LRRC31: variants seen among roughly 807,000 people sequenced by gnomAD.
LRRC31 encodes leucine-rich repeat-containing protein 31.
LRRC31 carries 35 observed loss-of-function variants against 46.7 expected under a neutral mutation model. The observed-to-expected ratio is 0.75, with a 90% confidence interval of 0.57 to 0.99. LRRC31 has a LOEUF of 0.99. Ranked by LOEUF, LRRC31 falls within the 50% of genes least tolerant of loss-of-function variation. LRRC31 has a pLI of 0.00. For synonymous variants in LRRC31, 236 were observed against 235.1 expected (o/e 1.00, Z -0.03); for missense variants, 613 against 626.1 (o/e 0.98, Z 0.22).
At chr3:169,848,665 C>G (rs6772936) in intron 7 of LRRC31, among the ~76,000 whole-genome samples, 41,727 of 152,052 alleles carry the variant, frequency 0.27, 6,216 homozygotes, top group East Asian at 0.62. Context: ...CACCATGTTG[C>G]CCAGGATGGT....
chr3:169,845,199 T>C (rs1780568425), intron 8 of LRRC31, among the ~76,000 whole-genome samples: 1 of 152,022 alleles, frequency 6.6e-6, no homozygotes, highest in Non-Finnish European at 1.5e-5. Context: ...AAAACACCAG[T>C]GAAAGAAATC....
Position 169,856,365 on chromosome 3 carries a change from C to T in LRRC31, c.794G>A (p.Gly265Glu). ...TATTTTGACACTCTTTTGTGATAATCCACATGAATGTAACTTCAGTACTTT... is the reference window on the plus strand; with the variant it reads ...TATTTTGACACTCTTTTGTGATAATTCACATGAATGTAACTTCAGTACTTT... ...NLKVLKLHSC[G>E]LSQKSVKILD... The change falls in exon 5 of 9, where the codon GGA becomes GAA. Residue 265 changes from glycine to glutamate, a missense_variant. Coordinates refer to ENST00000316428, the MANE Select transcript of LRRC31 (RefSeq NM_024727.4). 1.3e-6 allele frequency: 2 copies of T among 1,595,060 alleles called. No homozygotes were observed. Among genetic ancestry groups the T allele is most frequent in the Non-Finnish European group, 1.7e-6 (2 of 1,170,898 alleles).
At chr3:169,866,363 GA>G (rs1781333533) in intron 1 of LRRC31, among the ~76,000 whole-genome samples, 1 of 152,140 alleles carries the variant, frequency 6.6e-6, no homozygotes, top group Non-Finnish European at 1.5e-5. Context: ...TAGAAATGAA[GA>G]ACCAAGCAGC....
intron 1 of LRRC31, among the ~76,000 whole-genome samples, chr3:169,864,006 G>T (rs1781252185): frequency 6.6e-6 from 1 of 150,934 alleles, no homozygotes; most frequent in African/African-American, 2.4e-5. Flanking sequence ...AGCCTAGTGT[G>T]TGTGTGTGTG....
chr3:169,865,289 C>T (rs1781297041), intron 1 of LRRC31, among the ~76,000 whole-genome samples: 1 of 151,864 alleles, frequency 6.6e-6, no homozygotes, highest in South Asian at 2.1e-4. Context: ...GCCTTCTCTT[C>T]ACAGGATACC....
chr3:169,849,840 A>G (rs1169517163), intron 7 of LRRC31, among the ~76,000 whole-genome samples: 1 of 152,272 alleles, frequency 6.6e-6, no homozygotes, highest in Non-Finnish European at 1.5e-5. Context: ...CAGGTTAGGC[A>G]CAGTAAACCA....
chr3:169,841,927 C>T (rs1780462116), intron 8 of LRRC31, among the ~76,000 whole-genome samples: 1 of 152,000 alleles, frequency 6.6e-6, no homozygotes, highest in African/African-American at 2.4e-5. Context: ...CACCTGTAAT[C>T]CCAGCTACTC....
chr3:169,841,775 G>A (rs1780456911), intron 8 of LRRC31, among the ~76,000 whole-genome samples: 1 of 152,008 alleles, frequency 6.6e-6, no homozygotes, highest in Admixed American at 6.6e-5. Flanking sequence ...GGCTGGGTGT[G>A]GTGGCTCACA....
At position 169,840,132 on chromosome 3, in the gene LRRC31, T is replaced by C; in HGVS notation, c.1509A>G (p.Arg503=). 1 of 1,614,140 alleles carries C rather than the reference T, an allele frequency of 6.2e-7. No individual in the cohort carries two copies. The highest frequency in any genetic ancestry group is 8.5e-7 in the Non-Finnish European group (1 of 1,180,032). ...SNFRDCGQWF[R]HLLYAVTKLP... Reference sequence around the variant, plus strand: ...GCTTGGTCACAGCATATAACAAGTGTCTAAACCATTGTCCACAATCTCGAA... The same window carrying C: ...GCTTGGTCACAGCATATAACAAGTGCCTAAACCATTGTCCACAATCTCGAA... Residue 503 remains arginine, a synonymous_variant, in exon 9 of 9, where the codon AGA becomes AGG. Coordinates refer to ENST00000316428, the MANE Select transcript of LRRC31 (RefSeq NM_024727.4).
chr3:169,851,228 C>G lies in LRRC31; in HGVS notation c.1159+391G>C, dbSNP rs1576787627. Among the ~76,000 whole-genome samples the G allele has an allele frequency of 3.3e-5, 5 of 152,198 alleles. 1 individual carries two copies. ...AGGAGTTTGAGACCAGGCTGGACAA[C>G]ACGGTGAAACCCTGTCTCTACTAAA... is the stretch of plus-strand genomic sequence containing the variant. On this transcript the variant is annotated intron_variant, in intron 7 of 8. Transcript: ENST00000316428.
At chr3:169,858,614 C>T (rs1576796351) in intron 3 of LRRC31, among the ~76,000 whole-genome samples, 1 of 152,168 alleles carries the variant, frequency 6.6e-6, no homozygotes, top group Admixed American at 6.5e-5. Context: ...ATCCTTGCAA[C>T]AATTTTTTGA....
Position 169,851,650 on chromosome 3 carries a change from A to G in LRRC31, c.1128T>C (p.Cys376=). The G allele has an allele frequency of 6.2e-7, 1 of 1,614,202 alleles. No individual in the cohort carries two copies. The highest frequency in any genetic ancestry group is 1.6e-4 in the Middle Eastern group (1 of 6,062). The change falls in exon 7 of 9, where the codon TGT becomes TGC. Residue 376 remains cysteine (C), a synonymous_variant. Transcript: ENST00000316428. ...PALKSLVINN[C]ALESETFTAL... ...CTGTAAAAGTCTCACTCTCCAAAGC[A>G]CAGTTGTTGATAACTAATGACTTCA...
At chr3:169,861,898 G>A (rs1781178916) in intron 1 of LRRC31, 85 bp from the exon 2 acceptor site, 1 of 1,377,072 alleles carries the variant, frequency 7.3e-7, no homozygotes, top group Non-Finnish European at 1.0e-6. Context: ...CAAGTGAAAA[G>A]ACTGCATAAC....
In LRRC31 at chr3:169,839,999, G is replaced by A. The variant is rs1403398588; in HGVS notation, c.1642C>T (p.His548Tyr). ...QDKKRSIHFD[H>Y]GGFQ Reference sequence around the variant, plus strand: ...AAATCAGTTTACTGAAACCCACCATGGTCAAAGTGAATGCTTCTTTTTTTA... The same window carrying A: ...AAATCAGTTTACTGAAACCCACCATAGTCAAAGTGAATGCTTCTTTTTTTA... Residue 548 changes from histidine to tyrosine, a missense_variant, in exon 9 of 9, where the codon CAT (histidine) becomes TAT (tyrosine). Transcript: ENST00000316428. 1.2e-6 allele frequency: 2 copies of A among 1,612,114 alleles called. No homozygotes were observed. Among genetic ancestry groups the A allele is most frequent in the East Asian group, 2.2e-5 (1 of 44,876 alleles).
chr3:169,847,904 T>C (rs1780651964), intron 8 of LRRC31, among the ~76,000 whole-genome samples: 1 of 152,186 alleles, frequency 6.6e-6, no homozygotes, highest in Non-Finnish European at 1.5e-5. Flanking sequence ...TCTATATCCA[T>C]ATCCTTTTAG....
Position 169,860,717 on chromosome 3 carries a change from G to A in LRRC31, c.331C>T (p.Pro111Ser), listed in dbSNP as rs778161257. 2.3e-5 allele frequency: 37 copies of A among 1,613,806 alleles called. No homozygotes were observed. The South Asian group carries it at 2.7e-4, about 12-fold the overall frequency. The change falls in exon 3 of 9, where the codon CCT (proline) becomes TCT (serine). Residue 111 changes from proline to serine, a missense_variant. Transcript: ENST00000316428. ...AGTTCTTCCAAGTCTGGGAGAAAAG[G>A]CAGCAAGGCAACTAGAAGTGAACAG... Reference protein sequence around the residue: ...ADMKEMVALLPFLPDLEELDI... With the variant: ...ADMKEMVALLSFLPDLEELDI...
intron 3 of LRRC31, among the ~76,000 whole-genome samples, chr3:169,859,744 T>C (rs995150068): frequency 1.3e-5 from 2 of 152,182 alleles, no homozygotes; most frequent in Non-Finnish European, 2.9e-5. Flanking sequence ...AGAGAAGTAT[T>C]CTTTTGGAAT....
chr3:169,857,122 G>T (rs571170275), intron 3 of LRRC31, among the ~76,000 whole-genome samples: 1 of 151,626 alleles, frequency 6.6e-6, no homozygotes, highest in Non-Finnish European at 1.5e-5. Flanking sequence ...CTAAACAATT[G>T]TTGTTGTAGA....
chr3:169,847,242 G>A (rs12490581), intron 8 of LRRC31, among the ~76,000 whole-genome samples: 54,163 of 152,144 alleles, frequency 0.36, 10,134 homozygotes, highest in East Asian at 0.66. Context: ...CTGGAGTGCA[G>A]TGGCACGATC....
Sources: allele counts gnomAD v4.1 joint callset (sites outside exome capture counted in the v4.1 genomes callset), GRCh38; gene constraint gnomAD v4.1.1; transcripts MANE v1.5; gene names NCBI Gene and HGNC (gene_info 2026-07-23, HGNC 2026-07-21).